LRP2: variants seen among roughly 807,000 people sequenced by gnomAD.
The protein encoded by LRP2 is low-density lipoprotein receptor-related protein 2.
In LRP2, 172 loss-of-function variants were observed where a neutral mutation model predicts 531.0. The observed-to-expected ratio is 0.32, with a 90% CI of 0.29 to 0.37. The LOEUF is 0.37. LRP2 is among the 10% of genes least tolerant of loss of function. LRP2 has a pLI of 1.00. For synonymous variants in LRP2, 1,992 were observed against 2,027.6 expected (o/e 0.98, Z 0.47); for missense variants, 5,167 against 5,868.3 (o/e 0.88, Z 3.90).
chr2:169,313,704 G>A (rs1684681719), intron 3 of LRP2, among the ~76,000 whole-genome samples: 1 of 152,090 alleles, frequency 6.6e-6, no homozygotes. Context: ...CTCAAACTCT[G>A]TGCTGGGAGA....
chr2:169,132,474 G>T, intron 77 of LRP2, 100 bp downstream of exon 77: 1 of 765,724 alleles, frequency 1.3e-6, no homozygotes. Flanking sequence ...AGATCTTTGA[G>T]CCTTCCAGAA....
At position 169,156,403 on chromosome 2, in the gene LRP2, T is replaced by C. The variant is rs1341239776; in HGVS notation, c.12022A>G (p.Ile4008Val). The change falls in exon 65 of 79, where the codon ATC becomes GTC. Residue 4008 changes from isoleucine (I) to valine (V), a missense_variant and splice_region_variant. Physicochemically the swap from Ile to Val is conservative, Grantham distance 29 (BLOSUM62 3). Around this residue, in one of 6 missense-constraint regions of LRP2, gnomAD observed 564 missense variants for 747.7 expected, o/e 0.75. Coordinates refer to ENST00000649046, the MANE Select transcript of LRP2 (RefSeq NM_004525.3). The stretch of plus-strand genomic sequence containing the variant: ...GTCCCAAATTGTTCACATTCATTGA[T>C]ATCTGTAGGCAAAATAAAACCAAAT... ...NVFDRTSCLD[I>V]NECEQFGTCP... The C allele has an allele frequency of 3.1e-6, 5 of 1,613,326 alleles. No homozygotes were observed. The highest frequency in any genetic ancestry group is 4.2e-6 in the Non-Finnish European group (5 of 1,179,500).
rs370823033 is a variant in LRP2, at chr2:169,294,717, T to TAAAA, written c.428-11_428-8dup. The TAAAA allele has an allele frequency of 2.0e-5, 15 of 743,176 alleles. No individual in the cohort carries two copies. The highest frequency in any genetic ancestry group is 5.9e-5 in the Admixed American group (2 of 33,664). 46.0% of individuals were successfully genotyped at this position (743,176 alleles called of 1,614,324 possible). A position where few individuals can be genotyped will look rare whatever the true frequency, so the allele number is the denominator to read the frequency against. The stretch of plus-strand genomic sequence containing the variant: ...TGCTCACATGTTGGGTACTCTATTG[T>TAAAA]AAAAAAAAAAAAAAAAAAAAAAAGG... On this transcript the variant is annotated splice_polypyrimidine_tract_variant and splice_region_variant and intron_variant, in intron 4 of 78. Transcript: ENST00000649046.
intron 56 of LRP2, 111 bp downstream of exon 56, chr2:169,173,808 G>A (rs2105281473): frequency 6.8e-7 from 1 of 1,460,772 alleles, no homozygotes; most frequent in Non-Finnish European, 9.5e-7. Context: ...TGCCAAGGGG[G>A]AGCATCCCAT....
At chr2:169,323,684 GA>G (rs11382491) in intron 1 of LRP2, among the ~76,000 whole-genome samples, 183 of 147,706 alleles carry the variant, frequency 1.2e-3, no homozygotes, top group Non-Finnish European at 2.2e-3. Context: ...CCCACAGGGA[GA>G]AAAAAAAAAT....
intron 9 of LRP2, among the ~76,000 whole-genome samples, chr2:169,283,295 C>T (rs1419300189): frequency 4.6e-5 from 7 of 152,194 alleles, no homozygotes; most frequent in African/African-American, 1.7e-4. Context: ...TGTTAGTCTA[C>T]AAATATATAA....
intron 25 of LRP2, 101 bp from the exon 26 acceptor site, chr2:169,239,876 C>T (rs1689742679): frequency 1.0e-6 from 1 of 996,676 alleles, no homozygotes; most frequent in South Asian, 1.4e-5. Flanking sequence ...ATGCCACCTT[C>T]AATATGATGC....
chr2:169,213,959 T>G, intron 35 of LRP2, 89 bp from the exon 36 acceptor site: 1 of 887,220 alleles, frequency 1.1e-6, no homozygotes, highest in Non-Finnish European at 1.9e-6. Flanking sequence ...TTATAATGTC[T>G]CACATTTATA....
At chr2:169,161,701 T>G (rs1686593272) in intron 63 of LRP2, among the ~76,000 whole-genome samples, 1 of 152,154 alleles carries the variant, frequency 6.6e-6, no homozygotes, top group African/African-American at 2.4e-5. Flanking sequence ...CCTGAACTCC[T>G]GGGCTCAAGA....
At chr2:169,171,113 G>A (rs1236929151) in intron 58 of LRP2, among the ~76,000 whole-genome samples, 2 of 151,460 alleles carry the variant, frequency 1.3e-5, no homozygotes, top group Non-Finnish European at 2.9e-5. Flanking sequence ...ACCTCTTATA[G>A]GATTCAACAT....
chr2:169,134,290 C>A (rs1234023716), intron 76 of LRP2, among the ~76,000 whole-genome samples: 1 of 152,170 alleles, frequency 6.6e-6, no homozygotes, highest in Non-Finnish European at 1.5e-5. Flanking sequence ...AATCTATTTT[C>A]TTTCTCCCAC....
At position 169,192,130 on chromosome 2, in the gene LRP2, G is replaced by A. The variant is rs539485995; in HGVS notation, c.8831-97C>T. On this transcript the variant is annotated intron_variant, in intron 47 of 78. Coordinates refer to ENST00000649046, the MANE Select transcript of LRP2 (RefSeq NM_004525.3). ...GTTACTTACCATTCTAAGTATGAAAGGAAATGGGAGGAAAACACGTAGACA... is the reference window on the plus strand; with the variant it reads ...GTTACTTACCATTCTAAGTATGAAAAGAAATGGGAGGAAAACACGTAGACA... The A allele has an allele frequency of 1.6e-4, 130 of 795,232 alleles. 2 individuals carry two copies. In the South Asian group the frequency reaches 2.4e-3, roughly 15 times the overall value. The allele number at this position is 795,232 out of a possible 1,614,324, so 49.3% of individuals were successfully genotyped here.
intron 63 of LRP2, 70 bp downstream of exon 63, chr2:169,162,402 T>G: frequency 3.2e-6 from 5 of 1,555,326 alleles, no homozygotes; most frequent in Non-Finnish European, 3.5e-6. Context: ...GTCTACATTA[T>G]GTTATTGCAT....
chr2:169,312,790 C>T (rs1017073472), intron 3 of LRP2, among the ~76,000 whole-genome samples: 1 of 152,192 alleles, frequency 6.6e-6, no homozygotes, highest in East Asian at 1.9e-4. Flanking sequence ...TAATATCCTG[C>T]AGAGTGTTTT....
chr2:169,214,086 C>T (rs765837870), intron 35 of LRP2, among the ~76,000 whole-genome samples: 26 of 152,174 alleles, frequency 1.7e-4, no homozygotes, highest in East Asian at 7.7e-4. Context: ...ATAATGAAGA[C>T]GGAGCTCACA....
chr2:169,248,151 A>T (rs1056883287), intron 19 of LRP2, among the ~76,000 whole-genome samples: 2 of 142,302 alleles, frequency 1.4e-5, no homozygotes, highest in Non-Finnish European at 3.1e-5. Flanking sequence ...TGTTAGAATG[A>T]TGCTCACAAT....
intron 1 of LRP2, among the ~76,000 whole-genome samples, chr2:169,343,565 CAGGTACCTATA>C (rs1487179855): frequency 1.3e-5 from 2 of 152,146 alleles, no homozygotes; most frequent in African/African-American, 2.4e-5. Flanking sequence ...TAAATATTCC[CAGGTACCTATA>C]AGGTAGAAAT....
chr2:169,319,461 A>G (rs151018831), intron 2 of LRP2, among the ~76,000 whole-genome samples: 133 of 152,324 alleles, frequency 8.7e-4, no homozygotes, highest in African/African-American at 2.9e-3. Flanking sequence ...GTTACTTGCT[A>G]TCACTATCGT....
chr2:169,245,211 T>C (rs576961180), intron 21 of LRP2, among the ~76,000 whole-genome samples: 43 of 152,368 alleles, frequency 2.8e-4, no homozygotes, highest in African/African-American at 1.0e-3. Context: ...CATATAATTG[T>C]CTGCATTTTA....
Sources: allele counts gnomAD v4.1 joint callset (sites outside exome capture counted in the v4.1 genomes callset), GRCh38; gene constraint gnomAD v4.1.1; regional missense constraint gnomAD v4.1.1; transcripts MANE v1.5; gene names NCBI Gene and HGNC (gene_info 2026-07-23, HGNC 2026-07-21).